CADM2: variants seen among roughly 807,000 people sequenced by gnomAD.
The protein encoded by CADM2 is immunoglobulin superfamily member 4D.
CADM2 carries 12 observed loss-of-function variants against 49.8 expected under a neutral mutation model. That is an observed-to-expected ratio of 0.24 (90% confidence interval 0.15 to 0.39). The LOEUF is 0.39. CADM2 is among the 10% of genes least tolerant of loss of function. CADM2 has a pLI of 1.00. For missense variants in CADM2, 378 were observed against 492.3 expected, an observed-to-expected ratio of 0.77 and a Z score of 2.20; for synonymous variants, 214 against 175.4, an observed-to-expected ratio of 1.22 and a Z score of -1.74.
chr3:86,050,989 C>T (rs1204135886), intron 8 of CADM2, among the ~76,000 whole-genome samples: 2 of 152,130 alleles, frequency 1.3e-5, no homozygotes, highest in Non-Finnish European at 2.9e-5. Context: ...TGCTTTAATT[C>T]CTCACCTAAA....
intron 1 of CADM2, among the ~76,000 whole-genome samples, chr3:85,671,055 G>T (rs1165707837): frequency 6.6e-6 from 1 of 152,084 alleles, no homozygotes; most frequent in Non-Finnish European, 1.5e-5. Context: ...TAGAAGACTT[G>T]GCCTTTCATA....
At chr3:85,469,647 T>G (rs2038679403) in intron 1 of CADM2, among the ~76,000 whole-genome samples, 1 of 152,118 alleles carries the variant, frequency 6.6e-6, no homozygotes, top group Non-Finnish European at 1.5e-5. Flanking sequence ...GGGATGTGAT[T>G]CAGGGCAGAG....
intron 1 of CADM2, among the ~76,000 whole-genome samples, chr3:85,314,336 A>C (rs1418300173): frequency 2.6e-5 from 4 of 152,098 alleles, no homozygotes; most frequent in Non-Finnish European, 4.4e-5. Context: ...TTATTAAAAA[A>C]CCACACTGTT....
intron 3 of CADM2, among the ~76,000 whole-genome samples, chr3:85,820,794 A>G (rs1437796870): frequency 6.6e-6 from 1 of 152,174 alleles, no homozygotes; most frequent in Non-Finnish European, 1.5e-5. Context: ...TTGATGGCTT[A>G]AGAAGATCTA....
chr3:85,885,589 G>A (rs1027570834), intron 4 of CADM2, among the ~76,000 whole-genome samples: 1 of 151,388 alleles, frequency 6.6e-6, no homozygotes, highest in Non-Finnish European at 1.5e-5. Flanking sequence ...GGCTGAGGCA[G>A]GAGAATTGCT....
chr3:85,883,168 G>T, intron 3 of CADM2, 123 bp from the exon 4 acceptor site: 1 of 730,242 alleles, frequency 1.4e-6, no homozygotes, highest in Non-Finnish European at 2.0e-6. Flanking sequence ...ACTGTTCCAA[G>T]AAATAAGATT....
intron 2 of CADM2, among the ~76,000 whole-genome samples, chr3:85,764,508 A>G (rs2069554527): frequency 6.6e-6 from 1 of 152,124 alleles, no homozygotes; most frequent in African/African-American, 2.4e-5. Flanking sequence ...GGAAGGAAGC[A>G]GATATTTTAT....
At chr3:85,446,514 G>A (rs1219853654) in intron 1 of CADM2, among the ~76,000 whole-genome samples, 1 of 150,670 alleles carries the variant, frequency 6.6e-6, no homozygotes, top group African/African-American at 2.4e-5. Context: ...AGCTTTTCTT[G>A]TTTGAAAAAT....
chr3:85,291,375 T>C (rs2043791625), intron 1 of CADM2, among the ~76,000 whole-genome samples: 2 of 151,172 alleles, frequency 1.3e-5, no homozygotes, highest in South Asian at 2.1e-4. Flanking sequence ...CAGGATATTA[T>C]CCATGAGAAC....
chr3:85,823,398 C>G (rs1459210538), intron 3 of CADM2, among the ~76,000 whole-genome samples: 1 of 152,118 alleles, frequency 6.6e-6, no homozygotes, highest in Non-Finnish European at 1.5e-5. Context: ...CAGACTACAT[C>G]AAAATATTTC....
intron 1 of CADM2, among the ~76,000 whole-genome samples, chr3:85,153,806 G>A (rs551175890): frequency 6.6e-6 from 1 of 152,170 alleles, no homozygotes; most frequent in Non-Finnish European, 1.5e-5. Flanking sequence ...GCCTAACTGG[G>A]AGGCACCCCC....
intron 3 of CADM2, among the ~76,000 whole-genome samples, chr3:85,843,526 G>A (rs947346596): frequency 6.6e-6 from 1 of 151,854 alleles, no homozygotes; most frequent in East Asian, 1.9e-4. Context: ...AAGTAAGGTG[G>A]AATACAAATT....
In CADM2 at chr3:85,597,821, C is replaced by A. The variant is rs921716831; in HGVS notation, c.62-128701C>A. Among the ~76,000 whole-genome samples the A allele has an allele frequency of 1.3e-4, 20 of 151,986 alleles. 1 individual carries two copies. Among genetic ancestry groups the A allele is most frequent in the African/African-American group, 4.8e-4 (20 of 41,414 alleles). On this transcript the variant is annotated intron_variant, in intron 1 of 9. Coordinates refer to ENST00000383699, the MANE Select transcript of CADM2 (RefSeq NM_001167675.2). The stretch of plus-strand genomic sequence containing the variant: ...TTGATGAAAATGGTACAAACCTAAT[C>A]AATATCTGCTAAAACTTAAATAATA...
At chr3:85,710,181 T>G (rs751571944) in intron 1 of CADM2, among the ~76,000 whole-genome samples, 3 of 152,144 alleles carry the variant, frequency 2.0e-5, no homozygotes, top group Non-Finnish European at 2.9e-5. Flanking sequence ...TACACCTTCA[T>G]AGCATAACAA....
chr3:85,970,924 G>T (rs1334520459), intron 8 of CADM2, among the ~76,000 whole-genome samples: 1 of 150,364 alleles, frequency 6.7e-6, no homozygotes, highest in Non-Finnish European at 1.5e-5. Flanking sequence ...CCTAGTATGG[G>T]TTAAGCAACT....
intron 1 of CADM2, among the ~76,000 whole-genome samples, chr3:85,617,769 T>C (rs2063839036): frequency 1.3e-5 from 2 of 152,136 alleles, no homozygotes; most frequent in African/African-American, 4.8e-5. Flanking sequence ...GTCATCTCTT[T>C]GGAGATTCTA....
intron 1 of CADM2, among the ~76,000 whole-genome samples, chr3:85,507,381 G>T (rs1250703097): frequency 6.6e-6 from 1 of 151,788 alleles, no homozygotes; most frequent in Non-Finnish European, 1.5e-5. Flanking sequence ...TAGACATGGG[G>T]TTTCACCATG....
intron 1 of CADM2, among the ~76,000 whole-genome samples, chr3:85,533,594 A>G (rs2061367326): frequency 6.6e-6 from 1 of 152,214 alleles, no homozygotes; most frequent in South Asian, 2.1e-4. Context: ...AAAATAAATC[A>G]TTTATTTTCA....
At chr3:84,998,184 G>T (rs564788416) in intron 1 of CADM2, among the ~76,000 whole-genome samples, 1 of 152,030 alleles carries the variant, frequency 6.6e-6, no homozygotes, top group Non-Finnish European at 1.5e-5. Context: ...TTATAATGAG[G>T]CTCAGATAAT....
Sources: gnomAD v4.1 joint callset for allele counts (sites outside exome capture counted in the v4.1 genomes callset) on GRCh38, gnomAD v4.1.1 for gene constraint, MANE v1.5 for transcripts, NCBI Gene and HGNC (gene_info 2026-07-23, HGNC 2026-07-21) for gene names.